Variants in ARHGAP32 observed in about 807,000 individuals in gnomAD.
ARHGAP32 encodes the protein rho GTPase-activating protein 32.
In ARHGAP32, 51 loss-of-function variants were observed where a neutral mutation model predicts 186.5. The ratio of observed to expected loss-of-function variants is 0.27; its 90% confidence interval spans 0.22 to 0.35. The LOEUF (loss-of-function observed/expected upper bound fraction) is 0.35. Ranked by LOEUF, ARHGAP32 falls within the 10% of genes least tolerant of loss-of-function variation. ARHGAP32 has a pLI of 1.00. For missense variants in ARHGAP32, 2,186 were observed against 2,623.5 expected (o/e 0.83, Z 3.64); for synonymous variants, 950 against 964.3 (o/e 0.99, Z 0.27).
chr11:129,204,054 T>C (rs1476672153), intron 1 of ARHGAP32, among the ~76,000 whole-genome samples: 1 of 148,572 alleles, frequency 6.7e-6, no homozygotes, highest in African/African-American at 2.4e-5. Context: ...AAATAAAATA[T>C]ATATAAGATT....
chr11:129,260,570 G>A (rs1439380220), intron 1 of ARHGAP32, among the ~76,000 whole-genome samples: 1 of 152,014 alleles, frequency 6.6e-6, no homozygotes, highest in Non-Finnish European at 1.5e-5. Context: ...CTGTAACTGC[G>A]AAACACCTTA....
intron 2 of ARHGAP32, among the ~76,000 whole-genome samples, chr11:129,138,496 C>T (rs1426697991): frequency 6.6e-6 from 1 of 151,992 alleles, no homozygotes; most frequent in Non-Finnish European, 1.5e-5. Flanking sequence ...TCACTGTTTC[C>T]TAATCCAAAA....
chr11:128,997,922 A>C (rs1016266206), intron 12 of ARHGAP32, among the ~76,000 whole-genome samples: 2 of 151,252 alleles, frequency 1.3e-5, no homozygotes, highest in African/African-American at 4.9e-5. Context: ...TGGAAGATTG[A>C]TTTTGGCATT....
In ARHGAP32 at chr11:128,965,351, T is replaced by C. The variant is rs1945198512; in HGVS notation, c.*3556A>G. 6.6e-6 allele frequency: 1 copy of C among 152,052 alleles called. No individual in the cohort carries two copies. Among genetic ancestry groups the C allele is most frequent in the African/African-American group, 2.4e-5 (1 of 41,392 alleles). The allele number at this position is 152,052 out of a possible 1,614,324, so 9.4% of individuals were successfully genotyped here. A position where few individuals can be genotyped will look rare whatever the true frequency, so the allele number is the denominator to read the frequency against. The stretch of plus-strand genomic sequence containing the variant: ...TATATGCATTAACAATTTACACCAG[T>C]TCACAAAAATATTAAGACATAAAAA... On this transcript the variant is annotated 3_prime_UTR_variant, in exon 23 of 23. Coordinates refer to ENST00000682385, the MANE Select transcript of ARHGAP32 (RefSeq NM_001378024.1).
intron 1 of ARHGAP32, among the ~76,000 whole-genome samples, chr11:129,253,388 C>G: frequency 6.6e-6 from 1 of 152,264 alleles, no homozygotes; most frequent in Admixed American, 6.5e-5. Context: ...ACATAAAGAA[C>G]ATGTAGCACA....
intron 5 of ARHGAP32, among the ~76,000 whole-genome samples, chr11:129,103,761 G>A (rs1352783330): frequency 2.6e-5 from 4 of 152,016 alleles, no homozygotes; most frequent in Admixed American, 2.0e-4. Context: ...TGAAAGAAAT[G>A]TTGTCAATAC....
chr11:128,989,377 C>T (rs890301459), intron 12 of ARHGAP32, among the ~76,000 whole-genome samples: 2 of 151,962 alleles, frequency 1.3e-5, no homozygotes, highest in Admixed American at 1.3e-4. Flanking sequence ...CTATATATTC[C>T]CAATTTTTAC....
intron 10 of ARHGAP32, among the ~76,000 whole-genome samples, chr11:129,045,862 G>A (rs1428628776): frequency 1.3e-5 from 2 of 152,024 alleles, no homozygotes; most frequent in East Asian, 1.9e-4. Context: ...GGCCCATGAC[G>A]GTAAAGAAGT....
At chr11:129,128,702 G>C (rs947239797) in intron 2 of ARHGAP32, among the ~76,000 whole-genome samples, 6 of 151,404 alleles carry the variant, frequency 4.0e-5, no homozygotes, top group Non-Finnish European at 8.8e-5. Context: ...TCCTGCCTCA[G>C]CCTGCAGAGT....
intron 1 of ARHGAP32, among the ~76,000 whole-genome samples, chr11:129,176,093 T>G (rs1234916602): frequency 1.2e-5 from 1 of 83,884 alleles, no homozygotes; most frequent in Non-Finnish European, 2.2e-5. Context: ...TGGAGGAAGA[T>G]CTACCAAGCA....
At chr11:129,236,202 TC>T (rs767605348) in intron 1 of ARHGAP32, among the ~76,000 whole-genome samples, 1 of 152,184 alleles carries the variant, frequency 6.6e-6, no homozygotes, top group Admixed American at 6.5e-5. Flanking sequence ...GTAAAACTGT[TC>T]CCTTTTCACT....
intron 2 of ARHGAP32, among the ~76,000 whole-genome samples, chr11:129,151,052 A>T (rs983041489): frequency 6.6e-6 from 1 of 152,168 alleles, no homozygotes; most frequent in Admixed American, 6.5e-5. Context: ...ACACAGATGG[A>T]AACCAAATGC....
chr11:129,086,017 C>CAAAAAAAAAAAAAAAAA (rs60940372), intron 6 of ARHGAP32, among the ~76,000 whole-genome samples: 1 of 127,926 alleles, frequency 7.8e-6, no homozygotes. Flanking sequence ...AACAAACAAA[C>CAAAAAAAAAAAAAAAAA]AAAAAAAAAA....
intron 6 of ARHGAP32, among the ~76,000 whole-genome samples, chr11:129,079,322 A>G (rs2135212736): frequency 6.6e-6 from 1 of 152,004 alleles, no homozygotes; most frequent in South Asian, 2.1e-4. Flanking sequence ...GTTTCTAAAG[A>G]AAAGAACCAT....
chr11:128,994,514 G>A (rs546375705), intron 12 of ARHGAP32, among the ~76,000 whole-genome samples: 4 of 151,700 alleles, frequency 2.6e-5, no homozygotes, highest in African/African-American at 9.7e-5. Context: ...GGTGTTAAAC[G>A]TGCCATGTTG....
At chr11:129,208,181 A>T (rs890448026) in intron 1 of ARHGAP32, among the ~76,000 whole-genome samples, 1 of 152,202 alleles carries the variant, frequency 6.6e-6, no homozygotes, top group African/African-American at 2.4e-5. Context: ...GTCAGGAAAG[A>T]GGAAACAACT....
At chr11:129,174,072 C>G (rs1265509091) in intron 1 of ARHGAP32, among the ~76,000 whole-genome samples, 1 of 152,214 alleles carries the variant, frequency 6.6e-6, no homozygotes, top group Admixed American at 6.5e-5. Context: ...GGGCACAGGA[C>G]AGTGGGTGCG....
chr11:129,131,694 A>G (rs1942814587), intron 2 of ARHGAP32, among the ~76,000 whole-genome samples: 1 of 152,112 alleles, frequency 6.6e-6, no homozygotes, highest in Non-Finnish European at 1.5e-5. Flanking sequence ...TGGGAATTAT[A>G]ATTTGACATG....
chr11:129,026,722 AC>A (rs1938864674), intron 11 of ARHGAP32, among the ~76,000 whole-genome samples: 1 of 145,254 alleles, frequency 6.9e-6, no homozygotes, highest in Admixed American at 7.1e-5. Flanking sequence ...AATTGCTTGA[AC>A]CCGGGAGGCA....
Sources: allele counts gnomAD v4.1 joint callset (sites outside exome capture counted in the v4.1 genomes callset), GRCh38; gene constraint gnomAD v4.1.1; transcripts MANE v1.5; gene names NCBI Gene and HGNC (gene_info 2026-07-23, HGNC 2026-07-21).